PLCB1: variants seen among roughly 807,000 people sequenced by gnomAD.
PLCB1 encodes the protein 1-phosphatidylinositol 4,5-bisphosphate phosphodiesterase beta-1.
PLCB1 carries 46 observed loss-of-function variants against 161.8 expected under a neutral mutation model. The ratio of observed to expected loss-of-function variants is 0.28; its 90% CI spans 0.22 to 0.36. The LOEUF (loss-of-function observed/expected upper bound fraction) is 0.36, where lower values mean the gene tolerates loss of function less well. Among genes scored for constraint, PLCB1 ranks in the 10% least tolerant of loss-of-function variants. The probability of loss-of-function intolerance (pLI) is 1.00; values close to 1 mark genes in which losing one functional copy is unlikely to be tolerated. For synonymous variants in PLCB1, 517 were observed against 503.7 expected, an observed-to-expected ratio of 1.03 and a Z score of -0.35; for missense variants, 1,016 against 1,472.5, an observed-to-expected ratio of 0.69 and a Z score of 5.07.
chr20:8,602,196 T>C (rs1251121302), intron 3 of PLCB1, among the ~76,000 whole-genome samples: 1 of 151,964 alleles, frequency 6.6e-6, no homozygotes, highest in African/African-American at 2.4e-5. Context: ...TAAAGAAGAG[T>C]ATATGACACC....
intron 3 of PLCB1, among the ~76,000 whole-genome samples, chr20:8,451,100 G>T (rs1981056847): frequency 1.3e-5 from 2 of 152,092 alleles, no homozygotes; most frequent in African/African-American, 2.4e-5. Context: ...TTGTACATTT[G>T]TTTTTCATGG....
chr20:8,389,178 A>C (rs1987518808), intron 3 of PLCB1, among the ~76,000 whole-genome samples: 1 of 152,188 alleles, frequency 6.6e-6, no homozygotes, highest in African/African-American at 2.4e-5. Flanking sequence ...CCCAAATTTG[A>C]GAAGAGGTTG....
intron 2 of PLCB1, among the ~76,000 whole-genome samples, chr20:8,170,259 G>C (rs1379274917): frequency 3.3e-5 from 5 of 152,030 alleles, no homozygotes; most frequent in African/African-American, 1.2e-4. Flanking sequence ...AAAATAGCAG[G>C]TATTTCTTTC....
intron 3 of PLCB1, among the ~76,000 whole-genome samples, chr20:8,423,734 C>T (rs954474877): frequency 6.6e-6 from 1 of 152,124 alleles, no homozygotes; most frequent in Non-Finnish European, 1.5e-5. Flanking sequence ...TATACTATGA[C>T]TGGGAGGAAA....
At chr20:8,581,432 T>C (rs190217190) in intron 3 of PLCB1, among the ~76,000 whole-genome samples, 10 of 152,228 alleles carry the variant, frequency 6.6e-5, no homozygotes, top group East Asian at 3.9e-4. Context: ...AAATCTTGCT[T>C]GGGGTGGTTC....
intron 31 of PLCB1, among the ~76,000 whole-genome samples, chr20:8,839,669 T>C (rs1245838531): frequency 2.0e-5 from 3 of 151,692 alleles, no homozygotes; most frequent in Non-Finnish European, 4.4e-5. Flanking sequence ...AATCAAACAT[T>C]ATCGCAGCAT....
chr20:8,626,309 T>G (rs557897800), intron 3 of PLCB1, among the ~76,000 whole-genome samples: 37 of 152,290 alleles, frequency 2.4e-4, no homozygotes, highest in African/African-American at 8.9e-4. Context: ...TTTTCCAGAA[T>G]TGTTTTCTAC....
intron 2 of PLCB1, among the ~76,000 whole-genome samples, chr20:8,192,871 C>T (rs894012179): frequency 6.6e-6 from 1 of 151,912 alleles, no homozygotes; most frequent in Non-Finnish European, 1.5e-5. Flanking sequence ...TTTCCAGTTT[C>T]CAGTTCTCAT....
chr20:8,768,719 C>T (rs1002566224), intron 26 of PLCB1, among the ~76,000 whole-genome samples: 6 of 152,180 alleles, frequency 3.9e-5, no homozygotes, highest in African/African-American at 9.7e-5. Context: ...GAGGTCATGG[C>T]GTGGTGCCCC....
At chr20:8,789,266 C>T (rs1479098154) in intron 29 of PLCB1, among the ~76,000 whole-genome samples, 1 of 152,158 alleles carries the variant, frequency 6.6e-6, no homozygotes, top group Non-Finnish European at 1.5e-5. Context: ...ATATTTCCAG[C>T]TACTCAGAAG....
rs187272418 is a variant in PLCB1, at chr20:8,717,513, T to A, written c.1336-158T>A. On this transcript the variant is annotated intron_variant, in intron 13 of 31. Coordinates refer to ENST00000338037, the MANE Select transcript of PLCB1 (RefSeq NM_015192.4). ...AATATATCTTTGATATAAAAAAAAA[T>A]TAGCTCCCATGTAAGATACACTAAG... Among the ~76,000 whole-genome samples the A allele has an allele frequency of 2.6e-5, 4 of 152,124 alleles. No individual in the cohort carries two copies. The East Asian group carries it at 7.7e-4, about 29-fold the overall frequency.
At chr20:8,182,494 A>G (rs1367705754) in intron 2 of PLCB1, among the ~76,000 whole-genome samples, 5 of 152,158 alleles carry the variant, frequency 3.3e-5, no homozygotes, top group Non-Finnish European at 7.3e-5. Flanking sequence ...CCAGAAGATG[A>G]AAGATCATGT....
At chr20:8,484,516 C>T (rs1484175995) in intron 3 of PLCB1, among the ~76,000 whole-genome samples, 1 of 151,828 alleles carries the variant, frequency 6.6e-6, no homozygotes, top group African/African-American at 2.4e-5. Context: ...GCCCCCTCAC[C>T]ATGCCCAGAT....
At chr20:8,519,515 C>G (rs192205180) in intron 3 of PLCB1, among the ~76,000 whole-genome samples, 1 of 152,226 alleles carries the variant, frequency 6.6e-6, no homozygotes, top group East Asian at 1.9e-4. Context: ...TGCCTGCTCT[C>G]TCTCCCCCAT....
intron 2 of PLCB1, among the ~76,000 whole-genome samples, chr20:8,254,757 A>G (rs1600265281): frequency 6.6e-6 from 1 of 151,986 alleles, no homozygotes; most frequent in Non-Finnish European, 1.5e-5. Flanking sequence ...CCTGCACATC[A>G]CACATTCAAA....
rs1213787824 is a variant in PLCB1, at chr20:8,884,057, A to G, written c.*2208A>G. The stretch of plus-strand genomic sequence containing the variant: ...GAATAAAGTTGAATAACCTTGACTT[A>G]CACAAAACTGTTTTGGTAGTTGGAT... On this transcript the variant is annotated 3_prime_UTR_variant, in exon 32 of 32. Coordinates refer to ENST00000338037, the MANE Select transcript of PLCB1 (RefSeq NM_015192.4). 6.6e-6 allele frequency: 1 copy of G among 152,284 alleles called. No individual in the cohort carries two copies. The highest frequency in any genetic ancestry group is 1.5e-5 in the Non-Finnish European group (1 of 67,988). 9.4% of individuals were successfully genotyped at this position (152,284 alleles called of 1,614,324 possible).
intron 3 of PLCB1, among the ~76,000 whole-genome samples, chr20:8,548,046 T>G (rs1985618643): frequency 6.6e-6 from 1 of 152,036 alleles, no homozygotes; most frequent in Admixed American, 6.6e-5. Context: ...CACACACTCC[T>G]GGTCCAGGGA....
chr20:8,152,304 T>C (rs896282061), intron 2 of PLCB1, among the ~76,000 whole-genome samples: 5 of 150,622 alleles, frequency 3.3e-5, no homozygotes, highest in African/African-American at 1.2e-4. Context: ...GAAAAAAAAA[T>C]TAAACTTACC....
chr20:8,475,720 CA>C (rs1357231935), intron 3 of PLCB1, among the ~76,000 whole-genome samples: 1 of 151,978 alleles, frequency 6.6e-6, no homozygotes, highest in African/African-American at 2.4e-5. Flanking sequence ...TAGATATAGC[CA>C]ATATCTTGTA....
Sources: gnomAD v4.1 joint callset for allele counts (sites outside exome capture counted in the v4.1 genomes callset) on GRCh38, gnomAD v4.1.1 for gene constraint, MANE v1.5 for transcripts, NCBI Gene and HGNC (gene_info 2026-07-23, HGNC 2026-07-21) for gene names.